OLA1: variants seen among roughly 807,000 people sequenced by gnomAD.
OLA1 encodes the protein Obg like ATPase 1.
Under a neutral mutation model 48.4 loss-of-function variants are expected in OLA1, and 14 were observed. The observed-to-expected ratio is 0.29, with a 90% CI of 0.19 to 0.45. The LOEUF is 0.45. Among genes scored for constraint, OLA1 ranks in the 20% least tolerant of loss-of-function variants. The pLI, the probability that OLA1 is intolerant of heterozygous loss-of-function variation, is 1.00. For synonymous variants in OLA1, 127 were observed against 150.4 expected (o/e 0.84, Z 1.14); for missense variants, 325 against 467.1 (o/e 0.70, Z 2.80).
intron 7 of OLA1, among the ~76,000 whole-genome samples, chr2:174,110,726 C>T (rs989705552): frequency 3.3e-5 from 5 of 152,096 alleles, no homozygotes; most frequent in Admixed American, 6.5e-5. Flanking sequence ...GGACTATAGG[C>T]GCATGCCACT....
At chr2:174,189,551 A>G (rs1246206696) in intron 4 of OLA1, among the ~76,000 whole-genome samples, 1 of 152,220 alleles carries the variant, frequency 6.6e-6, no homozygotes, top group East Asian at 1.9e-4. Flanking sequence ...CTCACTCATA[A>G]TGAGAAAAGC....
chr2:174,144,951 A>AAAAAAAAAT (rs1181030817), intron 4 of OLA1, among the ~76,000 whole-genome samples: 13 of 40,290 alleles, frequency 3.2e-4, no homozygotes, highest in Non-Finnish European at 5.2e-4. Flanking sequence ...AAAAAAAAAA[A>AAAAAAAAAT]ATATATATAT....
At chr2:174,090,365 T>C (rs1262266227) in intron 7 of OLA1, among the ~76,000 whole-genome samples, 1 of 152,116 alleles carries the variant, frequency 6.6e-6, no homozygotes. Flanking sequence ...GCAAAAAGGC[T>C]CCACTTAAAA....
chr2:174,203,031 T>C (rs1337396490), intron 4 of OLA1, among the ~76,000 whole-genome samples: 3 of 152,190 alleles, frequency 2.0e-5, no homozygotes, highest in Admixed American at 6.5e-5. Flanking sequence ...TCTGTAACTA[T>C]ACTATCTGAA....
At chr2:174,212,793 A>G (rs1295311412) in intron 4 of OLA1, among the ~76,000 whole-genome samples, 1 of 152,146 alleles carries the variant, frequency 6.6e-6, no homozygotes, top group Non-Finnish European at 1.5e-5. Flanking sequence ...ACTGTCTTCC[A>G]CCTCCACATC....
intron 4 of OLA1, chr2:174,172,207 C>T: frequency 9.2e-6 from 2 of 216,752 alleles, no homozygotes. Context: ...GTGGAGGCAG[C>T]CAGTACTGCA....
intron 4 of OLA1, among the ~76,000 whole-genome samples, chr2:174,204,640 C>G (rs533877169): frequency 6.6e-6 from 1 of 151,948 alleles, no homozygotes; most frequent in African/African-American, 2.4e-5. Flanking sequence ...AATGATAAAT[C>G]GTACACCATT....
At chr2:174,168,649 C>A (rs1043565265) in intron 4 of OLA1, among the ~76,000 whole-genome samples, 1 of 151,820 alleles carries the variant, frequency 6.6e-6, no homozygotes, top group Non-Finnish European at 1.5e-5. Flanking sequence ...GAGACAGGCA[C>A]TCCCAGCAGA....
At chr2:174,084,048 TA>T (rs1246534079) in intron 7 of OLA1, among the ~76,000 whole-genome samples, 5 of 152,208 alleles carry the variant, frequency 3.3e-5, no homozygotes, top group African/African-American at 1.2e-4. Context: ...TTCAAATGAA[TA>T]AAGACTTACA....
At chr2:174,227,015 G>T (rs1319602405) in intron 3 of OLA1, among the ~76,000 whole-genome samples, 6 of 151,912 alleles carry the variant, frequency 3.9e-5, no homozygotes, top group African/African-American at 1.5e-4. Flanking sequence ...ATTTGACCGT[G>T]CCCAGGAGTT....
In OLA1 at chr2:174,163,775, T is replaced by A. The variant is rs1208831069; in HGVS notation, c.374-21775A>T. Among the ~76,000 whole-genome samples, 33 of 42,006 alleles carry A rather than the reference T, an allele frequency of 7.9e-4. 2 individuals carry two copies. The highest frequency in any genetic ancestry group is 2.4e-3 in the African/African-American group (21 of 8,890). 27.6% of individuals were successfully genotyped at this position (42,006 alleles called of 152,430 possible). A position where few individuals can be genotyped will look rare whatever the true frequency, so the allele number is the denominator to read the frequency against. The stretch of plus-strand genomic sequence containing the variant: ...ATATATATATATATATATATATATA[T>A]AAATAAATGTTTGGGTGCCTGCTTA... On this transcript the variant is annotated intron_variant, in intron 4 of 10. Coordinates refer to ENST00000284719, the MANE Select transcript of OLA1 (RefSeq NM_013341.5).
At chr2:174,164,676 T>C (rs1687121241) in intron 4 of OLA1, among the ~76,000 whole-genome samples, 1 of 152,186 alleles carries the variant, frequency 6.6e-6, no homozygotes, top group Non-Finnish European at 1.5e-5. Flanking sequence ...CACAGAATTA[T>C]CAATAACAAT....
chr2:174,080,994 T>A (rs770171834), intron 9 of OLA1, 158 bp downstream of exon 9: 1 of 623,886 alleles, frequency 1.6e-6, no homozygotes, highest in Non-Finnish European at 2.9e-6. Context: ...CCACTTTCAC[T>A]GTTCAGCAGC....
At chr2:174,247,415 CA>C (rs1689151185) in intron 1 of OLA1, 1 of 388,690 alleles carries the variant, frequency 2.6e-6, no homozygotes, top group African/African-American at 2.0e-5. Context: ...CACCAGGAAT[CA>C]AAGATAAACT....
chr2:174,180,422 T>A lies in OLA1; in HGVS notation c.374-38422A>T, dbSNP rs1267443005. 5.3e-5 allele frequency among the ~76,000 whole-genome samples: 8 copies of A among 152,348 alleles called. No individual in the cohort carries two copies. The East Asian group carries it at 1.5e-3, about 29-fold the overall frequency. On this transcript the variant is annotated intron_variant, in intron 4 of 10. Coordinates refer to ENST00000284719, the MANE Select transcript of OLA1 (RefSeq NM_013341.5). The stretch of plus-strand genomic sequence containing the variant: ...GCCATATAATCTGAGTACAAATTTG[T>A]TGTATGTGTGTTAGTGCTCTATTTC...
At chr2:174,091,040 G>A (rs1053464021) in intron 7 of OLA1, among the ~76,000 whole-genome samples, 3 of 152,174 alleles carry the variant, frequency 2.0e-5, no homozygotes, top group African/African-American at 7.2e-5. Context: ...GGAGACTGTG[G>A]CTTTACTCCC....
chr2:174,129,457 C>CAATAAATA (rs199979448), intron 5 of OLA1, among the ~76,000 whole-genome samples: 2,921 of 140,690 alleles, frequency 0.021, 48 homozygotes, highest in South Asian at 0.041. Context: ...GACTCCGTCT[C>CAATAAATA]AATAAATAAA....
At chr2:174,120,570 T>G (rs1356346044) in intron 7 of OLA1, among the ~76,000 whole-genome samples, 2 of 152,326 alleles carry the variant, frequency 1.3e-5, no homozygotes, top group East Asian at 3.9e-4. Flanking sequence ...GCTAGGTCTT[T>G]AGTCATAAAT....
Position 174,072,952 on chromosome 2 carries a change from T to C in OLA1, c.*2474A>G, listed in dbSNP as rs1337459761. 1 of 152,230 alleles carries C rather than the reference T, an allele frequency of 6.6e-6. No individual in the cohort carries two copies. The highest frequency in any genetic ancestry group is 2.4e-5 in the African/African-American group (1 of 41,452). 9.4% of individuals were successfully genotyped at this position (152,230 alleles called of 1,614,324 possible). A position where few individuals can be genotyped will look rare whatever the true frequency, so the allele number is the denominator to read the frequency against. On this transcript the variant is annotated 3_prime_UTR_variant, in exon 11 of 11. Transcript: ENST00000284719. ...ACACAACTAAATGCTATTACAATCT[T>C]TCTTCAAGCTTTGGGCACAAGCCTT...
Sources: gnomAD v4.1 joint callset for allele counts (sites outside exome capture counted in the v4.1 genomes callset) on GRCh38, gnomAD v4.1.1 for gene constraint, MANE v1.5 for transcripts, NCBI Gene and HGNC (gene_info 2026-07-23, HGNC 2026-07-21) for gene names.